RARB: variants seen among roughly 807,000 people sequenced by gnomAD.
The protein encoded by RARB is HBV-activated protein.
RARB carries 17 observed loss-of-function variants against 51.9 expected under a neutral mutation model. The ratio of observed to expected loss-of-function variants is 0.33; its 90% CI spans 0.22 to 0.49. RARB has a LOEUF of 0.49. RARB is among the 20% of genes least tolerant of loss of function. The probability of loss-of-function intolerance (pLI) is 0.99; values close to 1 mark genes in which losing one functional copy is unlikely to be tolerated. For synonymous variants in RARB, 215 were observed against 195.4 expected, an observed-to-expected ratio of 1.10 and a Z score of -0.84; for missense variants, 369 against 550.8, an observed-to-expected ratio of 0.67 and a Z score of 3.30.
chr3:25,284,694 C>G (rs547126730), intron 5 of RARB, among the ~76,000 whole-genome samples: 2 of 152,108 alleles, frequency 1.3e-5, no homozygotes, highest in Admixed American at 6.5e-5. Context: ...GTCAGAACCT[C>G]GACTCACATT....
intron 5 of RARB, among the ~76,000 whole-genome samples, chr3:25,278,818 A>T (rs1298385717): frequency 6.6e-6 from 1 of 152,212 alleles, no homozygotes; most frequent in Non-Finnish European, 1.5e-5. Flanking sequence ...CTACTAAAGG[A>T]TAACACAAAT....
At chr3:25,483,204 G>A (rs76594842) in intron 2 of RARB, among the ~76,000 whole-genome samples, 1,737 of 152,252 alleles carry the variant, frequency 0.011, 31 homozygotes, top group African/African-American at 0.04. Flanking sequence ...AGAAAGCATC[G>A]GGACACAATT....
At chr3:24,962,620 G>A (rs770384462) in intron 2 of RARB, among the ~76,000 whole-genome samples, 22 of 152,146 alleles carry the variant, frequency 1.4e-4, no homozygotes, top group Non-Finnish European at 2.9e-4. Context: ...ATCAGTGGTG[G>A]CATTCGATTC....
chr3:25,362,133 T>G (rs530873627), intron 5 of RARB, among the ~76,000 whole-genome samples: 1 of 152,132 alleles, frequency 6.6e-6, no homozygotes, highest in South Asian at 2.1e-4. Context: ...GATGGGAGTT[T>G]TATCTATAAG....
rs761110978 is a variant in RARB, at chr3:25,468,475, A to G, written c.306+7134A>G. The stretch of plus-strand genomic sequence containing the variant: ...CCACATTTTATAGATGAGGTAACAG[A>G]GGGTCCGAGTAGTTAAGGAACGTGG... On this transcript the variant is annotated intron_variant, in intron 2 of 7. Coordinates refer to ENST00000330688, the MANE Select transcript of RARB (RefSeq NM_000965.5). Among the ~76,000 whole-genome samples, 37 of 148,472 alleles carry G rather than the reference A, an allele frequency of 2.5e-4. No homozygotes were observed. In the Admixed American group the frequency reaches 2.5e-3, roughly 10 times the overall value.
intron 5 of RARB, among the ~76,000 whole-genome samples, chr3:25,278,740 ATG>A (rs905149958): frequency 6.6e-6 from 1 of 152,192 alleles, no homozygotes; most frequent in Non-Finnish European, 1.5e-5. Flanking sequence ...GTACCATATT[ATG>A]TGAGAATTTG....
chr3:24,953,541 T>C (rs901003060), intron 2 of RARB, among the ~76,000 whole-genome samples: 4 of 152,146 alleles, frequency 2.6e-5, no homozygotes, highest in Non-Finnish European at 2.9e-5. Flanking sequence ...AACTCAAAGC[T>C]TGGCTCTGGA....
chr3:25,229,938 C>T lies in RARB; in HGVS notation c.178+55363C>T, dbSNP rs1025667008. Among the ~76,000 whole-genome samples, 9 of 152,210 alleles carry T rather than the reference C, an allele frequency of 5.9e-5. No homozygotes were observed. In the East Asian group the frequency reaches 1.7e-3, roughly 29 times the overall value. On this transcript the variant is annotated intron_variant, in intron 5 of 11. Coordinates refer to the RARB transcript ENST00000383772. ...CACGCTGTAATGAAGTGCACTCTAG[C>T]TTTTGAGATTATCAAAGACTTGTAT...
intron 2 of RARB, among the ~76,000 whole-genome samples, chr3:24,956,211 A>G (rs1696011063): frequency 6.6e-6 from 1 of 152,200 alleles, no homozygotes; most frequent in Non-Finnish European, 1.5e-5. Flanking sequence ...CAAGACAGAC[A>G]TTGAAGTTCA....
At position 24,977,856 on chromosome 3, in the gene RARB, T is replaced by A. The variant is rs140483221; in HGVS notation, c.-379-82269T>A. Among the ~76,000 whole-genome samples the A allele has an allele frequency of 8.7e-3, 1,330 of 152,250 alleles. 13 individuals carry two copies. The highest frequency in any genetic ancestry group is 0.029 in the African/African-American group (1,192 of 41,550). ...CAGTTTTCAAAGGGAATGCTTCCAGTTTTTGCTCATTCAGTATGATATTGG... is the reference window on the plus strand; with the variant it reads ...CAGTTTTCAAAGGGAATGCTTCCAGATTTTGCTCATTCAGTATGATATTGG... On this transcript the variant is annotated intron_variant, in intron 2 of 11. Coordinates refer to the RARB transcript ENST00000383772.
At chr3:25,196,216 C>T (rs1701231278) in intron 5 of RARB, among the ~76,000 whole-genome samples, 1 of 151,964 alleles carries the variant, frequency 6.6e-6, no homozygotes, top group Admixed American at 6.6e-5. Context: ...ACTACCCCTC[C>T]CCCATCCCCT....
chr3:25,476,899 A>G (rs1695977455), intron 2 of RARB, among the ~76,000 whole-genome samples: 1 of 152,198 alleles, frequency 6.6e-6, no homozygotes, highest in Non-Finnish European at 1.5e-5. Context: ...GTGCTATGAG[A>G]ATAGGAACTT....
chr3:25,419,736 C>G (rs540701665), intron 5 of RARB, among the ~76,000 whole-genome samples: 1 of 152,306 alleles, frequency 6.6e-6, no homozygotes, highest in Admixed American at 6.5e-5. Context: ...GCAGCAGATC[C>G]TACATTTTAG....
At chr3:25,260,237 G>C (rs766863686) in intron 5 of RARB, among the ~76,000 whole-genome samples, 1 of 152,116 alleles carries the variant, frequency 6.6e-6, no homozygotes, top group Non-Finnish European at 1.5e-5. Flanking sequence ...CCAGGGTTTT[G>C]CAAGGCTTTG....
intron 3 of RARB, among the ~76,000 whole-genome samples, chr3:25,113,146 C>G (rs1379972427): frequency 6.6e-6 from 1 of 152,110 alleles, no homozygotes; most frequent in Non-Finnish European, 1.5e-5. Context: ...TCTCACTGAT[C>G]ATTTCCTTGC....
chr3:25,095,403 C>T (rs1011294768), intron 3 of RARB, among the ~76,000 whole-genome samples: 3 of 152,292 alleles, frequency 2.0e-5, no homozygotes, highest in African/African-American at 7.2e-5. Flanking sequence ...TTGGGTTCCA[C>T]ACTAGACCTG....
At chr3:24,984,792 T>C (rs1196600289) in intron 2 of RARB, among the ~76,000 whole-genome samples, 1 of 152,236 alleles carries the variant, frequency 6.6e-6, no homozygotes, top group African/African-American at 2.4e-5. Context: ...TTAATCTGCT[T>C]ACTGTAGTAA....
At chr3:24,939,391 A>C (rs1695611815) in intron 2 of RARB, among the ~76,000 whole-genome samples, 1 of 152,212 alleles carries the variant, frequency 6.6e-6, no homozygotes, top group African/African-American at 2.4e-5. Context: ...AGGAACTGTC[A>C]AATTGTTACA....
chr3:25,364,071 C>A (rs138446221), intron 5 of RARB, among the ~76,000 whole-genome samples: 2,383 of 152,214 alleles, frequency 0.016, 27 homozygotes, highest in African/African-American at 0.038. Flanking sequence ...CTTACAGTTT[C>A]TTTTTTCTTA....
Sources: gnomAD v4.1 joint callset for allele counts (sites outside exome capture counted in the v4.1 genomes callset) on GRCh38, gnomAD v4.1.1 for gene constraint, MANE v1.5 for transcripts, NCBI Gene and HGNC (gene_info 2026-07-23, HGNC 2026-07-21) for gene names.